NT5C1A: variants seen among roughly 807,000 people sequenced by gnomAD.
The protein encoded by NT5C1A is cytosolic 5'-nucleotidase 1A.
NT5C1A carries 18 observed loss-of-function variants against 31.0 expected under a neutral mutation model. The observed-to-expected ratio is 0.58, with a 90% CI of 0.40 to 0.86. The LOEUF (loss-of-function observed/expected upper bound fraction) is 0.86. Ranked by LOEUF, NT5C1A falls within the 40% of genes least tolerant of loss-of-function variation. The probability of loss-of-function intolerance (pLI) is 0.00; values close to 1 mark genes in which losing one functional copy is unlikely to be tolerated. For missense variants in NT5C1A, 470 were observed against 505.4 expected, an observed-to-expected ratio of 0.93 and a Z score of 0.67; for synonymous variants, 185 against 203.6, an observed-to-expected ratio of 0.91 and a Z score of 0.78.
intron 3 of NT5C1A, 122 bp from the exon 4 acceptor site, chr1:39,663,556 A>C: frequency 7.0e-5 from 69 of 982,434 alleles, no homozygotes; most frequent in Non-Finnish European, 9.4e-5. Context: ...AGCGTGTCTC[A>C]GTGTAATTTT....
At position 39,654,503 on chromosome 1, in the gene NT5C1A, T is replaced by C. The variant is rs994696273; in HGVS notation, c.*4618A>G. 6.6e-6 allele frequency among the ~76,000 whole-genome samples: 1 copy of C among 152,260 alleles called. No individual in the cohort carries two copies. The highest frequency in any genetic ancestry group is 1.5e-5 in the Non-Finnish European group (1 of 68,050). On this transcript the variant is annotated 3_prime_UTR_variant, in exon 6 of 6. Coordinates refer to ENST00000235628, the MANE Select transcript of NT5C1A (RefSeq NM_032526.3). ...ATGAGTCGGGAATACAAAGCCATGC[T>C]GGACAGCCAGCTGGGCTCATCCCCA...
chr1:39,670,877 C>T (rs1646547350), intron 1 of NT5C1A, among the ~76,000 whole-genome samples: 1 of 150,988 alleles, frequency 6.6e-6, no homozygotes, highest in African/African-American at 2.4e-5. Context: ...ACTCCCCCCC[C>T]AACTCCCCTA....
intron 3 of NT5C1A, among the ~76,000 whole-genome samples, chr1:39,663,797 A>G (rs955003972): frequency 2.9e-4 from 44 of 152,302 alleles, no homozygotes; most frequent in African/African-American, 1.1e-3. Flanking sequence ...GCTGGTCCCC[A>G]TTACTGCAAA....
chr1:39,665,659 GA>G lies in NT5C1A; in HGVS notation c.304-10del, dbSNP rs1281734777. The stretch of plus-strand genomic sequence containing the variant: ...TTCACGGCCTCCAGAGCCTGGAAAG[GA>G]GAGGGCACCCCCCAGCTTAGACCCC... On this transcript the variant is annotated splice_polypyrimidine_tract_variant and intron_variant, in intron 2 of 5. Coordinates refer to ENST00000235628, the MANE Select transcript of NT5C1A (RefSeq NM_032526.3). The G allele has an allele frequency of 3.7e-6, 6 of 1,612,618 alleles. No individual in the cohort carries two copies. Among genetic ancestry groups the G allele is most frequent in the Non-Finnish European group, 1.7e-6 (2 of 1,179,686 alleles).
chr1:39,668,359 C>T (rs1453730866), intron 1 of NT5C1A, among the ~76,000 whole-genome samples: 1 of 152,228 alleles, frequency 6.6e-6, no homozygotes, highest in East Asian at 1.9e-4. Flanking sequence ...TAAGGTCTCG[C>T]TCCTCACTTT....
rs189415962 is a variant in NT5C1A at position 39,666,210 on chromosome 1, G to A, written c.162C>T (p.Ile54=). 24 of 1,613,406 alleles carry A rather than the reference G, an allele frequency of 1.5e-5. No individual in the cohort carries two copies. The highest frequency in any genetic ancestry group is 6.7e-5 in the East Asian group (3 of 44,890). ...KSPKPQNAVT[I]AVSSRALFRM... ...GAAACAAGGCTCGGGAGGACACAGC[G>A]ATGGTGACTGCATTCTGAGGCTTGG... Residue 54 remains isoleucine (I), a synonymous_variant, in exon 2 of 6, where the codon ATC becomes ATT. Coordinates refer to ENST00000235628, the MANE Select transcript of NT5C1A (RefSeq NM_032526.3).
Position 39,671,912 on chromosome 1 carries a change from G to A in NT5C1A, c.127C>T (p.Pro43Ser). The change falls in exon 1 of 6, where the codon CCC becomes TCC. Residue 43 changes from proline to serine, a missense_variant. Pro to Ser is a moderately conservative substitution (Grantham distance 74). Transcript: ENST00000235628. ...FYDNLAPKKKPKSPKPQNAVT... is the reference protein window; with the variant it reads ...FYDNLAPKKKSKSPKPQNAVT... The stretch of plus-strand genomic sequence containing the variant: ...CCGTGCATTGCTTTTACCGATTTGG[G>A]TTTCTTCTTGGGCGCGAGGTTGTCG... 3 of 1,613,546 alleles carry A rather than the reference G, an allele frequency of 1.9e-6. No homozygotes were observed. Among genetic ancestry groups the A allele is most frequent in the Non-Finnish European group, 2.5e-6 (3 of 1,179,858 alleles).
At position 39,666,226 on chromosome 1, in the gene NT5C1A, T is replaced by A; in HGVS notation, c.146A>T (p.Gln49Leu). ...PKKKPKSPKP[Q>L]NAVTIAVSSR... ...GGACACAGCGATGGTGACTGCATTCTGAGGCTTGGGCTGCAGAGGTATGGG... is the reference window on the plus strand; with the variant it reads ...GGACACAGCGATGGTGACTGCATTCAGAGGCTTGGGCTGCAGAGGTATGGG... The change falls in exon 2 of 6, where the codon CAG becomes CTG. Residue 49 changes from glutamine (Q) to leucine (L), a missense_variant. Physicochemically the swap from Gln to Leu is moderately radical, Grantham distance 113 (BLOSUM62 -2). Coordinates refer to ENST00000235628, the MANE Select transcript of NT5C1A (RefSeq NM_032526.3). 2 of 1,613,438 alleles carry A rather than the reference T, an allele frequency of 1.2e-6. No homozygotes were observed. The highest frequency in any genetic ancestry group is 1.7e-6 in the Non-Finnish European group (2 of 1,179,904).
At chr1:39,664,320 A>AT (rs1646506884) in intron 3 of NT5C1A, among the ~76,000 whole-genome samples, 2 of 148,916 alleles carry the variant, frequency 1.3e-5, no homozygotes, top group South Asian at 4.4e-4. Flanking sequence ...GCCCGGCTAA[A>AT]TTTTTTTGTA....
intron 4 of NT5C1A, among the ~76,000 whole-genome samples, chr1:39,661,857 T>A (rs1570457813): frequency 6.6e-6 from 1 of 151,920 alleles, no homozygotes; most frequent in South Asian, 2.1e-4. Context: ...TGCAATCGGG[T>A]GAGGTGAGTA....
chr1:39,657,754 C>T lies in NT5C1A; in HGVS notation c.*1367G>A, dbSNP rs947322723. ...GGGAGGTTATCTCATCCTGGAAGCC[C>T]TTGCTCAGCATCCACTGATGGAGAG... On this transcript the variant is annotated 3_prime_UTR_variant, in exon 6 of 6. Coordinates refer to ENST00000235628, the MANE Select transcript of NT5C1A (RefSeq NM_032526.3). Among the ~76,000 whole-genome samples the T allele has an allele frequency of 6.6e-6, 1 of 152,242 alleles. No individual in the cohort carries two copies. The highest frequency in any genetic ancestry group is 2.1e-4 in the South Asian group (1 of 4,836).
chr1:39,660,960 C>T (rs1445667571), intron 5 of NT5C1A, 119 bp downstream of exon 5: 2 of 622,516 alleles, frequency 3.2e-6, no homozygotes, highest in Non-Finnish European at 5.9e-6. Context: ...TCGAGGGGAC[C>T]AGGCTGGAAT....
chr1:39,661,006 G>A, intron 5 of NT5C1A, 73 bp downstream of exon 5: 1 of 833,908 alleles, frequency 1.2e-6, no homozygotes, highest in Non-Finnish European at 1.9e-6. Flanking sequence ...CTTCCAGGCT[G>A]GGAGTGCAGG....
chr1:39,671,528 CG>C (rs886743216), intron 1 of NT5C1A, among the ~76,000 whole-genome samples: 5 of 152,238 alleles, frequency 3.3e-5, no homozygotes, highest in Admixed American at 3.3e-4. Flanking sequence ...AGCCAGGAAC[CG>C]GGTTCCCAAA....
rs1646472081 is a variant in NT5C1A, at chr1:39,658,025, T to C, written c.*1096A>G. 6.6e-6 allele frequency among the ~76,000 whole-genome samples: 1 copy of C among 152,080 alleles called. No individual in the cohort carries two copies. The highest frequency in any genetic ancestry group is 6.5e-5 in the Admixed American group (1 of 15,276). On this transcript the variant is annotated 3_prime_UTR_variant, in exon 6 of 6. Coordinates refer to ENST00000235628, the MANE Select transcript of NT5C1A (RefSeq NM_032526.3). ...TCCCCTAGAATTGAGGCCACAACAG[T>C]AGACACCCATGCTCTGTCCCGTTCC...
chr1:39,663,320 A>G lies in NT5C1A; in HGVS notation c.548T>C (p.Ile183Thr). The stretch of plus-strand genomic sequence containing the variant: ...TCTTCACTTAGACTTACCCTCATCA[A>G]TGGCTTCTCGCACTTTTTCCGCATC... The part of the protein sequence containing the change: ...SADAEKVREA[I>T]DEGIAAATIF... The change falls in exon 4 of 6, where the codon ATT (isoleucine) becomes ACT (threonine). Residue 183 changes from isoleucine to threonine, a missense_variant. Physicochemically the swap from Ile to Thr is moderately conservative, Grantham distance 89 (BLOSUM62 -1). Transcript: ENST00000235628. The G allele has an allele frequency of 6.2e-7, 1 of 1,614,088 alleles. No individual in the cohort carries two copies. Among genetic ancestry groups the G allele is most frequent in the South Asian group, 1.1e-5 (1 of 91,072 alleles).
rs1646453733 is a variant in NT5C1A, at chr1:39,655,263, A to G, written c.*3858T>C. ...CCCCAGTCAAAGTTTCTTTACAAAA[A>G]CAGGTGATGGGTCAGATTTGGCCCG... On this transcript the variant is annotated 3_prime_UTR_variant, in exon 6 of 6. Transcript: ENST00000235628. Among the ~76,000 whole-genome samples the G allele has an allele frequency of 6.6e-6, 1 of 152,146 alleles. No homozygotes were observed. Among genetic ancestry groups the G allele is most frequent in the South Asian group, 2.1e-4 (1 of 4,824 alleles).
chr1:39,662,408 A>G (rs1646496373), intron 4 of NT5C1A, among the ~76,000 whole-genome samples: 1 of 152,172 alleles, frequency 6.6e-6, no homozygotes, highest in African/African-American at 2.4e-5. Flanking sequence ...AGGTCAAGTT[A>G]CAAACACACA....
chr1:39,667,457 C>T (rs559251698), intron 1 of NT5C1A, among the ~76,000 whole-genome samples: 1 of 152,290 alleles, frequency 6.6e-6, no homozygotes, highest in East Asian at 1.9e-4. Flanking sequence ...TCTCTGTGTC[C>T]TGAGCAGTCC....
Sources: allele counts gnomAD v4.1 joint callset (sites outside exome capture counted in the v4.1 genomes callset), GRCh38; gene constraint gnomAD v4.1.1; transcripts MANE v1.5; gene names NCBI Gene and HGNC (gene_info 2026-07-23, HGNC 2026-07-21).